TRPM4: variants seen among roughly 807,000 people sequenced by gnomAD.
The protein encoded by TRPM4 is calcium-activated non-selective cation channel 1.
In TRPM4, 124 loss-of-function variants were observed where a neutral mutation model predicts 135.6. That is an observed-to-expected ratio of 0.91 (90% CI 0.79 to 1.06). The LOEUF (loss-of-function observed/expected upper bound fraction) is 1.06, where lower values mean the gene tolerates loss of function less well. Among genes scored for constraint, TRPM4 ranks in the 50% least tolerant of loss-of-function variants. The pLI, the probability that TRPM4 is intolerant of heterozygous loss-of-function variation, is 0.00. For missense variants in TRPM4, 1,658 were observed against 1,671.4 expected, an observed-to-expected ratio of 0.99 and a Z score of 0.14; for synonymous variants, 745 against 705.6, an observed-to-expected ratio of 1.06 and a Z score of -0.88.
At chr19:49,190,085 AGTT>A in intron 14 of TRPM4, 120 bp from the exon 15 acceptor site, 1 of 830,112 alleles carries the variant, frequency 1.2e-6, no homozygotes, top group East Asian at 2.4e-5. Flanking sequence ...CTACCTCAAT[AGTT>A]GTGGCTGTGA....
Position 49,210,033 on chromosome 19 carries a change from C to T in TRPM4, c.3132-176C>T, listed in dbSNP as rs1028624205. 6.6e-6 allele frequency among the ~76,000 whole-genome samples: 1 copy of T among 152,110 alleles called. No homozygotes were observed. Among genetic ancestry groups the T allele is most frequent in the African/African-American group, 2.4e-5 (1 of 41,424 alleles). On this transcript the variant is annotated intron_variant, in intron 20 of 24. Coordinates refer to ENST00000252826, the MANE Select transcript of TRPM4 (RefSeq NM_017636.4). This position sits in a 1 kb window ranked among gnomAD's most constrained non-coding sequence, Gnocchi z 4.1. ...CAAAGTGCTGGGACTACAGGCGTGACCAAACGCCCTTGGCTCTAACCTGAC... is the reference window on the plus strand; with the variant it reads ...CAAAGTGCTGGGACTACAGGCGTGATCAAACGCCCTTGGCTCTAACCTGAC...
intron 2 of TRPM4, among the ~76,000 whole-genome samples, chr19:49,161,266 T>TTG (rs373514139): frequency 6.0e-5 from 9 of 150,720 alleles, no homozygotes; most frequent in Non-Finnish European, 1.0e-4. Context: ...GTGCGTGTGT[T>TTG]TGTGTGTGTG....
chr19:49,209,487 A>G (rs7247379), intron 20 of TRPM4, among the ~76,000 whole-genome samples: 1,994 of 152,146 alleles, frequency 0.013, 16 homozygotes, highest in Middle Eastern at 0.02. Flanking sequence ...CAGCTTAGCT[A>G]ATTTGTGTGT....
chr19:49,188,606 T>G (rs1221070762), intron 12 of TRPM4, 35 bp from the exon 13 acceptor site: 1 of 1,614,118 alleles, frequency 6.2e-7, no homozygotes, highest in African/African-American at 1.3e-5. Flanking sequence ...CTATGAACCC[T>G]CTTTGACGCA....
chr19:49,190,139 C>T (rs1968354325), intron 14 of TRPM4, 69 bp from the exon 15 acceptor site: 1 of 1,341,370 alleles, frequency 7.5e-7, no homozygotes, highest in Non-Finnish European at 1.1e-6. Flanking sequence ...GCAGTCCAAC[C>T]CTTGCTGGGC....
At chr19:49,166,618 C>G (rs1331911582) in intron 3 of TRPM4, among the ~76,000 whole-genome samples, 1 of 144,478 alleles carries the variant, frequency 6.9e-6, no homozygotes, top group Non-Finnish European at 1.5e-5. Flanking sequence ...GTCTCTGTCC[C>G]CCTCTCTCTC....
intron 16 of TRPM4, among the ~76,000 whole-genome samples, chr19:49,194,843 G>A (rs1968570560): frequency 6.9e-6 from 1 of 143,908 alleles, no homozygotes; most frequent in African/African-American, 2.6e-5. Flanking sequence ...GCTCACTGCA[G>A]CCTCAACCTC....
chr19:49,174,299 C>T (rs7248537), intron 9 of TRPM4, among the ~76,000 whole-genome samples: 6,240 of 152,162 alleles, frequency 0.041, 229 homozygotes, highest in African/African-American at 0.094. Flanking sequence ...ATTACAGGCA[C>T]GTGCCATCAT....
In TRPM4 at chr19:49,182,620, G is replaced by T; in HGVS notation, c.1306G>T (p.Asp436Tyr). The T allele has an allele frequency of 6.2e-7, 1 of 1,614,018 alleles. No homozygotes were observed. Among genetic ancestry groups the T allele is most frequent in the South Asian group, 1.1e-5 (1 of 91,040 alleles). Residue 436 changes from aspartate to tyrosine, a missense_variant, in exon 11 of 25, where the codon GAC (aspartate) becomes TAC (tyrosine). Asp to Tyr is a radical substitution (Grantham distance 160, BLOSUM62 -3). This residue lies in a region of TRPM4 where 1,412 missense variants were observed against 1,408.7 expected (regional missense o/e 1.00). Coordinates refer to ENST00000252826, the MANE Select transcript of TRPM4 (RefSeq NM_017636.4). ...TTCCCTCATGGACGCCCTGCTGAAT[G>T]ACCGGCCTGAGTTCGTGCGCTTGCT... ...EASLMDALLN[D>Y]RPEFVRLLIS...
At chr19:49,177,164 C>T (rs891400603) in intron 9 of TRPM4, among the ~76,000 whole-genome samples, 3 of 152,074 alleles carry the variant, frequency 2.0e-5, no homozygotes, top group East Asian at 3.9e-4. Flanking sequence ...GGAGAAAATA[C>T]GGCAGCTCTG....
intron 19 of TRPM4, among the ~76,000 whole-genome samples, 182 bp downstream of exon 19, chr19:49,200,967 C>G (rs539371292): frequency 3.8e-4 from 58 of 152,044 alleles, no homozygotes; most frequent in African/African-American, 1.3e-3. Flanking sequence ...GCCTACCCCA[C>G]CCCCTCTGTC....
At chr19:49,176,669 T>A (rs892214316) in intron 9 of TRPM4, among the ~76,000 whole-genome samples, 2 of 152,152 alleles carry the variant, frequency 1.3e-5, no homozygotes, top group African/African-American at 4.8e-5. Context: ...CTGGCCACCA[T>A]GGCAAAACCC....
At chr19:49,168,777 A>G (rs1335851838) in intron 6 of TRPM4, 41 bp downstream of exon 6, 5 of 1,556,002 alleles carry the variant, frequency 3.2e-6, no homozygotes, top group Non-Finnish European at 4.4e-6. Flanking sequence ...ACGACCCACA[A>G]CCTGCAACCC....
Position 49,211,602 on chromosome 19 carries a change from G to A in TRPM4, c.*104G>A. On this transcript the variant is annotated 3_prime_UTR_variant, in exon 25 of 25. Transcript: ENST00000252826. The surrounding 1 kb of genome is among the most constrained non-coding windows in gnomAD (Gnocchi z 4.8). ...CCGCACCTGGTGGCCTTGTCCTTGAGGTGAGCCCCATGTCCATCTGGGCCA... is the reference window on the plus strand; with the variant it reads ...CCGCACCTGGTGGCCTTGTCCTTGAAGTGAGCCCCATGTCCATCTGGGCCA... 1 of 1,470,930 alleles carries A rather than the reference G, an allele frequency of 6.8e-7. No individual in the cohort carries two copies. Among genetic ancestry groups the A allele is most frequent in the South Asian group, 1.1e-5 (1 of 88,264 alleles). The allele number at this position is 1,470,930 out of a possible 1,614,324, so 91.1% of individuals were successfully genotyped here.
chr19:49,183,692 CGT>C (rs1968087737), intron 12 of TRPM4, among the ~76,000 whole-genome samples: 2 of 151,852 alleles, frequency 1.3e-5, no homozygotes, highest in African/African-American at 4.8e-5. Context: ...CATGTGCCAC[CGT>C]GCCTGGCCAA....
intron 9 of TRPM4, among the ~76,000 whole-genome samples, chr19:49,179,592 C>T (rs866172806): frequency 6.6e-5 from 10 of 152,156 alleles, no homozygotes; most frequent in Non-Finnish European, 7.4e-5. Flanking sequence ...TCAGGCGATC[C>T]GCCCATCTTG....
chr19:49,171,181 C>T lies in TRPM4; in HGVS notation c.797-176C>T, dbSNP rs1338270113. Among the ~76,000 whole-genome samples, 1 of 152,088 alleles carries T rather than the reference C, an allele frequency of 6.6e-6. No homozygotes were observed. Among genetic ancestry groups the T allele is most frequent in the Non-Finnish European group, 1.5e-5 (1 of 68,024 alleles). ...CACCCTGGCCAACATAGCAAGACCCCCATTTCTAAAATAAATACATAATTA... is the reference window on the plus strand; with the variant it reads ...CACCCTGGCCAACATAGCAAGACCCTCATTTCTAAAATAAATACATAATTA... On this transcript the variant is annotated intron_variant, in intron 6 of 24. Transcript: ENST00000252826. This position sits in a 1 kb window ranked among gnomAD's most constrained non-coding sequence, Gnocchi z 4.7.
At chr19:49,198,736 A>T (rs914463309) in intron 17 of TRPM4, among the ~76,000 whole-genome samples, 1 of 150,690 alleles carries the variant, frequency 6.6e-6, no homozygotes, top group African/African-American at 2.4e-5. Context: ...AGTTCCCTCT[A>T]GATGGACATT....
At position 49,168,646 on chromosome 19, in the gene TRPM4, G is replaced by A. The variant is rs767495055; in HGVS notation, c.706G>A (p.Asp236Asn). The change falls in exon 6 of 25, where the codon GAC becomes AAC. Residue 236 changes from aspartate (D) to asparagine (N), a missense_variant. This residue lies in a region of TRPM4 where 1,412 missense variants were observed against 1,408.7 expected (regional missense o/e 1.00). Coordinates refer to ENST00000252826, the MANE Select transcript of TRPM4 (RefSeq NM_017636.4). ...DYNYSAFFLV[D>N]DGTHGCLGGE... is the part of the protein sequence containing the mutation. ...CAACTACTCGGCCTTCTTCCTGGTG[G>A]ACGACGGCACACACGGCTGCCTGGG... is the stretch of plus-strand genomic sequence containing the variant. The A allele has an allele frequency of 5.0e-6, 8 of 1,613,524 alleles. No individual in the cohort carries two copies. The highest frequency in any genetic ancestry group is 6.8e-6 in the Non-Finnish European group (8 of 1,179,958).
Sources: gnomAD v4.1 joint callset for allele counts (sites outside exome capture counted in the v4.1 genomes callset) on GRCh38, gnomAD v4.1.1 for gene constraint, gnomAD v4.1.1 regional missense constraint, Gnocchi (gnomAD v3.1) non-coding constraint, MANE v1.5 for transcripts, NCBI Gene and HGNC (gene_info 2026-07-23, HGNC 2026-07-21) for gene names.